CLEC12A: variants seen among roughly 807,000 people sequenced by gnomAD.
The protein encoded by CLEC12A is C-type lectin domain family 12 member A, also known as C-type lectin protein CLL-1.
In CLEC12A, 22 loss-of-function variants were observed where a neutral mutation model predicts 26.5. The ratio of observed to expected loss-of-function variants is 0.83; its 90% confidence interval spans 0.59 to 1.19. The LOEUF is 1.19. CLEC12A is among the 50% of genes most tolerant of loss of function. CLEC12A has a pLI of 0.00. For synonymous variants in CLEC12A, 119 were observed against 101.9 expected (o/e 1.17, Z -1.01); for missense variants, 353 against 315.6 (o/e 1.12, Z -0.90).
intron 1 of CLEC12A, among the ~76,000 whole-genome samples, chr12:9,955,372 C>A (rs144755448): frequency 1.2e-3 from 181 of 152,272 alleles, no homozygotes; most frequent in Middle Eastern, 0.01. Flanking sequence ...CAGGTGTAAG[C>A]AATCATGCCC....
downstream of CLEC12A, chr12:9,998,951 T>C: frequency 1.3e-6 from 1 of 784,840 alleles, no homozygotes; most frequent in Non-Finnish European, 2.1e-6. Context: ...TTAAACTATA[T>C]ATATTATCAA....
chr12:9,970,990 T>C (rs1354555905), upstream of CLEC12A, among the ~76,000 whole-genome samples: 1 of 152,196 alleles, frequency 6.6e-6, no homozygotes, highest in Non-Finnish European at 1.5e-5. Context: ...AACCTATAGC[T>C]ATGTAACATG....
chr12:10,001,101 T>C, the CLEC12A span, among the ~76,000 whole-genome samples: 1 of 152,184 alleles, frequency 6.6e-6, no homozygotes, highest in Non-Finnish European at 1.5e-5. Flanking sequence ...TCCAAGGACA[T>C]TGAGACAATT....
chr12:9,983,455 G>C (rs1565563004), intron 5 of CLEC12A: 2 of 684,520 alleles, frequency 2.9e-6, no homozygotes, highest in African/African-American at 3.6e-5. Flanking sequence ...CTTATAATGG[G>C]AAAAAAAGTC....
At chr12:9,977,891 T>G (rs1180628210) in intron 1 of CLEC12A, among the ~76,000 whole-genome samples, 3 of 152,146 alleles carry the variant, frequency 2.0e-5, no homozygotes, top group African/African-American at 7.2e-5. Flanking sequence ...TTGAATAAGT[T>G]CATTGAATAA....
upstream of CLEC12A, among the ~76,000 whole-genome samples, chr12:9,970,503 G>A (rs1043154654): frequency 6.6e-6 from 1 of 152,048 alleles, no homozygotes. Flanking sequence ...ATTTACTAAC[G>A]AATATTAGAG....
rs1335873008 is a variant in CLEC12A, at chr12:9,982,083, T to G, written c.595T>G (p.Ser199Ala). Residue 199 changes from serine (S) to alanine (A), a missense_variant, in exon 5 of 6, where the codon TCC (serine) becomes GCC (alanine). Transcript: ENST00000304361. ...YWLGLSPEED[S>A]TRGMRVDNII... Reference sequence around the variant, plus strand: ...GCTGGGATTATCTCCTGAAGAAGATTCCACTCGTGGTATGAGAGTGGATAA... The same window carrying G: ...GCTGGGATTATCTCCTGAAGAAGATGCCACTCGTGGTATGAGAGTGGATAA... The G allele has an allele frequency of 6.2e-7, 1 of 1,602,104 alleles. No homozygotes were observed. The highest frequency in any genetic ancestry group is 8.5e-7 in the Non-Finnish European group (1 of 1,169,898).
At chr12:9,994,757 T>C (rs1017145203) in intron 4 of CLEC12A, among the ~76,000 whole-genome samples, 16 of 152,076 alleles carry the variant, frequency 1.1e-4, no homozygotes, top group Admixed American at 2.0e-4. Flanking sequence ...AATAATGATA[T>C]GAAATTTTGT....
intron 4 of CLEC12A, 23 bp from the exon 5 acceptor site, chr12:9,981,997 C>G (rs749914888): frequency 8.5e-7 from 1 of 1,179,096 alleles, no homozygotes. Context: ...GTTTCTTAAA[C>G]AGACTATCTG....
upstream of CLEC12A, among the ~76,000 whole-genome samples, chr12:9,971,209 C>T (rs1191153358): frequency 6.6e-6 from 1 of 152,214 alleles, no homozygotes; most frequent in Non-Finnish European, 1.5e-5. Context: ...ATAAATCCTA[C>T]ACTATGTCTG....
At chr12:9,989,409 A>G (rs186955960), downstream of CLEC12A, among the ~76,000 whole-genome samples, 269 of 152,334 alleles carry the variant, frequency 1.8e-3, 1 homozygote, top group Non-Finnish European at 3.1e-3. Flanking sequence ...GAACACACAA[A>G]TAGTAAGAAA....
At chr12:9,979,612 C>A in intron 3 of CLEC12A, 88 bp downstream of exon 3, 1 of 992,002 alleles carries the variant, frequency 1.0e-6, no homozygotes, top group Non-Finnish European at 1.5e-6. Context: ...TAGCTAGCAG[C>A]CTTTCTCTAG....
chr12:9,994,508 G>A (rs940112896), intron 4 of CLEC12A, among the ~76,000 whole-genome samples: 1 of 152,058 alleles, frequency 6.6e-6, no homozygotes, highest in South Asian at 2.1e-4. Flanking sequence ...TTGATATACA[G>A]GATGAACAAA....
chr12:9,994,081 G>A (rs984657402), intron 4 of CLEC12A, among the ~76,000 whole-genome samples: 3 of 152,072 alleles, frequency 2.0e-5, no homozygotes. Flanking sequence ...ATGGATATGG[G>A]TTTAAGGGAG....
intron 1 of CLEC12A, among the ~76,000 whole-genome samples, chr12:9,954,461 C>T (rs1381716520): frequency 6.6e-6 from 1 of 151,866 alleles, no homozygotes; most frequent in African/African-American, 2.4e-5. Flanking sequence ...CACCACTGCA[C>T]TTCCAGCCTG....
chr12:9,989,960 C>T (rs1390508400), downstream of CLEC12A, among the ~76,000 whole-genome samples: 4 of 151,936 alleles, frequency 2.6e-5, no homozygotes, highest in Admixed American at 6.6e-5. Context: ...GAAACAATGA[C>T]GTCTAGATGA....
At chr12:9,989,171 C>T (rs1864836177), downstream of CLEC12A, among the ~76,000 whole-genome samples, 1 of 146,616 alleles carries the variant, frequency 6.8e-6, no homozygotes, top group African/African-American at 2.5e-5. Context: ...AATGAGAACA[C>T]CTGGACACAG....
At position 9,984,871 on chromosome 12, in the gene CLEC12A, G is replaced by A; in HGVS notation, c.643G>A (p.Val215Ile). 2 of 1,496,128 alleles carry A rather than the reference G, an allele frequency of 1.3e-6. No homozygotes were observed. Among genetic ancestry groups the A allele is most frequent in the Non-Finnish European group, 1.8e-6 (2 of 1,120,204 alleles). The allele number at this position is 1,496,128 out of a possible 1,614,324, so 92.7% of individuals were successfully genotyped here. Residue 215 changes from valine (V) to isoleucine (I), a missense_variant and splice_region_variant, in exon 6 of 6, where the codon GTT becomes ATT. By Grantham distance (29) the Val-to-Ile change is conservative. Coordinates refer to ENST00000304361, the MANE Select transcript of CLEC12A (RefSeq NM_138337.6). Reference sequence around the variant, plus strand: ...GTAATTCTTTACTTTCTCTTTCAGGGTTATAAGAAACGCACCTGACTTAAA... The same window carrying A: ...GTAATTCTTTACTTTCTCTTTCAGGATTATAAGAAACGCACCTGACTTAAA... ...VDNIINSSAW[V>I]IRNAPDLNNM...
At chr12:9,998,419 A>G (rs773308367), downstream of CLEC12A, 5 of 1,510,608 alleles carry the variant, frequency 3.3e-6, no homozygotes, top group Non-Finnish European at 4.6e-6. Flanking sequence ...AGCAGGCAGT[A>G]TGGGTTAGCT....
Sources: gnomAD v4.1 joint callset for allele counts (sites outside exome capture counted in the v4.1 genomes callset) on GRCh38, gnomAD v4.1.1 for gene constraint, MANE v1.5 for transcripts, NCBI Gene and HGNC (gene_info 2026-07-23, HGNC 2026-07-21) for gene names.